Variants in SRC observed in about 807,000 individuals in gnomAD.
SRC encodes the protein SRC proto-oncogene, non-receptor tyrosine kinase, also known as proto-oncogene tyrosine-protein kinase Src.
A neutral mutation model predicts 62.9 loss-of-function variants in SRC; 13 were observed. The ratio of observed to expected loss-of-function variants is 0.21; its 90% confidence interval spans 0.13 to 0.33. The LOEUF (loss-of-function observed/expected upper bound fraction) is 0.33. Ranked by LOEUF, SRC falls within the 10% of genes least tolerant of loss-of-function variation. SRC has a pLI of 1.00. For synonymous variants in SRC, 302 were observed against 317.5 expected (o/e 0.95, Z 0.52); for missense variants, 457 against 737.3 (o/e 0.62, Z 4.40).
chr20:37,379,419 G>C (rs1020403279), intron 2 of SRC, among the ~76,000 whole-genome samples: 1 of 152,138 alleles, frequency 6.6e-6, no homozygotes, highest in East Asian at 1.9e-4. Context: ...CTCTGTGCCA[G>C]GGAGGAGGGT....
intron 1 of SRC, among the ~76,000 whole-genome samples, chr20:37,352,177 G>A (rs1181307132): frequency 6.6e-6 from 1 of 152,240 alleles, no homozygotes; most frequent in Non-Finnish European, 1.5e-5. Flanking sequence ...TGGGGATGAC[G>A]AGGCTGGCAC....
intron 2 of SRC, among the ~76,000 whole-genome samples, chr20:37,380,602 C>G (rs374110755): frequency 7.2e-4 from 109 of 152,300 alleles, no homozygotes; most frequent in African/African-American, 2.5e-3. Context: ...AATTATACAT[C>G]CATGCCCATT....
At position 37,386,289 on chromosome 20, in the gene SRC, C is replaced by T. The variant is rs115173548; in HGVS notation, c.350+115C>T. 2,198 of 1,055,988 alleles carry T rather than the reference C, an allele frequency of 2.1e-3. 28 individuals carry two copies. The African/African-American group carries it at 0.03, about 15-fold the overall frequency. The allele number at this position is 1,055,988 out of a possible 1,614,324, so 65.4% of individuals were successfully genotyped here. On this transcript the variant is annotated intron_variant, in intron 5 of 13. Coordinates refer to ENST00000373578, the MANE Select transcript of SRC (RefSeq NM_198291.3). ...GCACAGTGCAGAGCCCAGGGCAGTGCGAAGCCCAGGGCAGTGTGGAGGCAG... is the reference window on the plus strand; with the variant it reads ...GCACAGTGCAGAGCCCAGGGCAGTGTGAAGCCCAGGGCAGTGTGGAGGCAG...
intron 2 of SRC, among the ~76,000 whole-genome samples, chr20:37,365,589 A>AT (rs888056307): frequency 4.7e-4 from 70 of 148,338 alleles, no homozygotes; most frequent in South Asian, 8.5e-4. Context: ...TTTGCAAAGA[A>AT]TTTTTTTTTT....
intron 2 of SRC, among the ~76,000 whole-genome samples, chr20:37,371,149 C>T (rs907801985): frequency 5.1e-4 from 77 of 152,062 alleles, no homozygotes; most frequent in African/African-American, 1.6e-3. Context: ...CCACCACGCC[C>T]GGCTAATTTT....
Position 37,403,540 on chromosome 20 carries a change from C to T in SRC, c.*161C>T, listed in dbSNP as rs1032325127. 1.1e-5 allele frequency: 9 copies of T among 847,362 alleles called. No homozygotes were observed. The highest frequency in any genetic ancestry group is 1.4e-5 in the Non-Finnish European group (8 of 560,924). 52.5% of individuals were successfully genotyped at this position (847,362 alleles called of 1,614,324 possible). A position where few individuals can be genotyped will look rare whatever the true frequency, so the allele number is the denominator to read the frequency against. ...CTCTTTGGTGGCATGGAAGGGGCTT[C>T]TGGACCTAGGGTGGCCTGAGAGGGC... On this transcript the variant is annotated 3_prime_UTR_variant, in exon 14 of 14. Transcript: ENST00000373578. The surrounding 1 kb of genome is among the most constrained non-coding windows in gnomAD (Gnocchi z 7.1).
At position 37,404,220 on chromosome 20, in the gene SRC, C is replaced by T. The variant is rs568894758; in HGVS notation, c.*841C>T. On this transcript the variant is annotated 3_prime_UTR_variant, in exon 14 of 14. Transcript: ENST00000373578. The stretch of plus-strand genomic sequence containing the variant: ...GAAACAAGGGGTCTGAGGATGCATT[C>T]GAGATGGCAGATTCCCACTGCCGCT... The T allele has an allele frequency of 1.0e-4, 24 of 233,574 alleles. No individual in the cohort carries two copies. The South Asian group carries it at 1.6e-3, about 16-fold the overall frequency. The allele number at this position is 233,574 out of a possible 1,614,324, so 14.5% of individuals were successfully genotyped here.
chr20:37,373,409 ATATATACGCATATATGCGTG>A (rs1404022287), intron 2 of SRC, among the ~76,000 whole-genome samples: 2 of 144,432 alleles, frequency 1.4e-5, no homozygotes, highest in African/African-American at 5.5e-5. Context: ...ATATATACGC[ATATATACGCATATATGCGTG>A]TATATACGCA....
chr20:37,384,553 G>A lies in SRC; in HGVS notation c.250+150G>A. ...GGTGACTTGGGTGTCCGGGGGGTGG[G>A]GGGGCGGCCGTACACACTGTGAAGC... is the stretch of plus-strand genomic sequence containing the variant. On this transcript the variant is annotated intron_variant, in intron 4 of 13. Coordinates refer to ENST00000373578, the MANE Select transcript of SRC (RefSeq NM_198291.3). This position sits in a 1 kb window ranked among gnomAD's most constrained non-coding sequence, Gnocchi z 6.7. 1 of 935,418 alleles carries A rather than the reference G, an allele frequency of 1.1e-6. No individual in the cohort carries two copies. Among genetic ancestry groups the A allele is most frequent in the South Asian group, 3.9e-5 (1 of 25,456 alleles). 57.9% of individuals were successfully genotyped at this position (935,418 alleles called of 1,614,324 possible).
Position 37,384,550 on chromosome 20 carries a change from T to TGGGGGGGGGGGG in SRC, c.250+154_250+155insGGGGGGGGGGGG. The stretch of plus-strand genomic sequence containing the variant: ...CTGGGTGACTTGGGTGTCCGGGGGG[T>TGGGGGGGGGGGG]GGGGGGGCGGCCGTACACACTGTGA... On this transcript the variant is annotated intron_variant, in intron 4 of 13. Transcript: ENST00000373578. The surrounding 1 kb of genome is among the most constrained non-coding windows in gnomAD (Gnocchi z 6.7). The TGGGGGGGGGGGG allele has an allele frequency of 6.1e-6, 1 of 162,726 alleles. No homozygotes were observed. The highest frequency in any genetic ancestry group is 2.2e-4 in the South Asian group (1 of 4,582). 10.1% of individuals were successfully genotyped at this position (162,726 alleles called of 1,614,324 possible). A position where few individuals can be genotyped will look rare whatever the true frequency, so the allele number is the denominator to read the frequency against.
At chr20:37,368,518 C>CTGTTTTTTTTTTTTTTT (rs2070101131) in intron 2 of SRC, among the ~76,000 whole-genome samples, 1 of 73,898 alleles carries the variant, frequency 1.4e-5, no homozygotes, top group Non-Finnish European at 2.7e-5. Context: ...CCTATATTTT[C>CTGTTTTTTTTTTTTTTT]TTTTTTTTTT....
In SRC at chr20:37,384,520, C is replaced by G. The variant is rs139262793; in HGVS notation, c.250+117C>G. ...AGGCCCTTCCTCTCGCCAGGGGTAG[C>G]GCCCCTGGGTGACTTGGGTGTCCGG... On this transcript the variant is annotated intron_variant, in intron 4 of 13. Transcript: ENST00000373578. This position sits in a 1 kb window ranked among gnomAD's most constrained non-coding sequence, Gnocchi z 6.7. 20,037 of 1,039,268 alleles carry G rather than the reference C, an allele frequency of 0.019. 223 individuals are homozygous for G. The highest frequency in any genetic ancestry group is 0.043 in the African/African-American group (2,461 of 56,792). 64.4% of individuals were successfully genotyped at this position (1,039,268 alleles called of 1,614,324 possible).
At position 37,403,760 on chromosome 20, in the gene SRC, A is replaced by G; in HGVS notation, c.*381A>G. On this transcript the variant is annotated 3_prime_UTR_variant, in exon 14 of 14. Transcript: ENST00000373578. This position sits in a 1 kb window ranked among gnomAD's most constrained non-coding sequence, Gnocchi z 7.1. ...TGAACTCCTTCCCCACTTCTGTGCC[A>G]CCCCCGGTCTATGTCGAGAGCTGGC... 2 of 281,154 alleles carry G rather than the reference A, an allele frequency of 7.1e-6. No individual in the cohort carries two copies. Among genetic ancestry groups the G allele is most frequent in the Non-Finnish European group, 1.4e-5 (2 of 147,800 alleles). The allele number at this position is 281,154 out of a possible 1,614,324, so 17.4% of individuals were successfully genotyped here.
At position 37,404,249 on chromosome 20, in the gene SRC, C is replaced by T. The variant is rs191063301; in HGVS notation, c.*870C>T. 8.1e-5 allele frequency: 19 copies of T among 233,598 alleles called. No homozygotes were observed. The highest frequency in any genetic ancestry group is 5.6e-4 in the Admixed American group (10 of 17,792). The allele number at this position is 233,598 out of a possible 1,614,324, so 14.5% of individuals were successfully genotyped here. A position where few individuals can be genotyped will look rare whatever the true frequency, so the allele number is the denominator to read the frequency against. On this transcript the variant is annotated 3_prime_UTR_variant, in exon 14 of 14. Coordinates refer to ENST00000373578, the MANE Select transcript of SRC (RefSeq NM_198291.3). ...ATGGCAGATTCCCACTGCCGCTGCC[C>T]GCTCAGCCCAGCTGTTGGGAACAGC... is the stretch of plus-strand genomic sequence containing the variant.
At chr20:37,400,001 C>A in intron 9 of SRC, 114 bp from the exon 10 acceptor site, 1 of 1,044,910 alleles carries the variant, frequency 9.6e-7, no homozygotes, top group Non-Finnish European at 1.3e-6. Context: ...CTGGGTTTGT[C>A]ACATGGCTGT....
chr20:37,384,499 C>T lies in SRC; in HGVS notation c.250+96C>T, dbSNP rs2070416793. On this transcript the variant is annotated intron_variant, in intron 4 of 13. Transcript: ENST00000373578. The surrounding 1 kb of genome is among the most constrained non-coding windows in gnomAD (Gnocchi z 6.7). The stretch of plus-strand genomic sequence containing the variant: ...CCGGGGTCGCCCCCTCTGCGCAGGC[C>T]CTTCCTCTCGCCAGGGGTAGCGCCC... 3 of 1,236,156 alleles carry T rather than the reference C, an allele frequency of 2.4e-6. No individual in the cohort carries two copies. In the African/African-American group the frequency reaches 4.8e-5, roughly 20 times the overall value. 76.6% of individuals were successfully genotyped at this position (1,236,156 alleles called of 1,614,324 possible).
In SRC at chr20:37,402,615, C is replaced by T. The variant is rs957490833; in HGVS notation, c.1270+27C>T. On this transcript the variant is annotated intron_variant, in intron 12 of 13. Transcript: ENST00000373578. The surrounding 1 kb of genome is among the most constrained non-coding windows in gnomAD (Gnocchi z 6.2). ...TGGGCAGGGGCTGTGTGGTATGTCG[C>T]GCTTGGCCTGGGACAGGTCACGTCC... The T allele has an allele frequency of 1.4e-5, 22 of 1,596,980 alleles. No homozygotes were observed. Among genetic ancestry groups the T allele is most frequent in the Admixed American group, 5.1e-5 (3 of 58,558 alleles).
Position 37,402,911 on chromosome 20 carries a change from C to G in SRC, c.1402+31C>G, listed in dbSNP as rs376562234. On this transcript the variant is annotated intron_variant, in intron 13 of 13. Transcript: ENST00000373578. This position sits in a 1 kb window ranked among gnomAD's most constrained non-coding sequence, Gnocchi z 6.2. ...AAGGTCCTCATGGCCTGTCTGTGGT[C>G]CCTGAATCCCTCTGCCCTGGTGGCC... The G allele has an allele frequency of 3.7e-6, 6 of 1,602,344 alleles. No individual in the cohort carries two copies. The African/African-American group carries it at 8.0e-5, about 21-fold the overall frequency.
At chr20:37,349,702 A>T (rs1256674681) in intron 1 of SRC, among the ~76,000 whole-genome samples, 2 of 152,098 alleles carry the variant, frequency 1.3e-5, no homozygotes, top group Non-Finnish European at 2.9e-5. Context: ...GATCTCATGG[A>T]GTCTGAAGGT....
Sources: allele counts gnomAD v4.1 joint callset (sites outside exome capture counted in the v4.1 genomes callset), GRCh38; gene constraint gnomAD v4.1.1; non-coding constraint Gnocchi (gnomAD v3.1); transcripts MANE v1.5; gene names NCBI Gene and HGNC (gene_info 2026-07-23, HGNC 2026-07-21).